CCSER1: variants seen among roughly 807,000 people sequenced by gnomAD.
CCSER1 encodes the protein coiled-coil serine rich protein 1.
In CCSER1, 41 loss-of-function variants were observed where a neutral mutation model predicts 82.0. The observed-to-expected ratio is 0.50, with a 90% confidence interval of 0.39 to 0.65. The LOEUF (loss-of-function observed/expected upper bound fraction) is 0.65, where lower values mean the gene tolerates loss of function less well. Among genes scored for constraint, CCSER1 ranks in the 30% least tolerant of loss-of-function variants. The pLI is 0.00. For synonymous variants in CCSER1, 414 were observed against 383.9 expected, an observed-to-expected ratio of 1.08 and a Z score of -0.92; for missense variants, 1,119 against 1,064.2, an observed-to-expected ratio of 1.05 and a Z score of -0.72.
rs535271053 is a variant in CCSER1, at chr4:90,150,417, T to C, written c.-42+22586T>C. On this transcript the variant is annotated intron_variant, in intron 1 of 10. Transcript: ENST00000509176. Reference sequence around the variant, plus strand: ...CACATTTGGTGAATTCCTACGTAGTTATTAGTGGGGAAAGGATGTCAATAA... The same window carrying C: ...CACATTTGGTGAATTCCTACGTAGTCATTAGTGGGGAAAGGATGTCAATAA... Among the ~76,000 whole-genome samples the C allele has an allele frequency of 5.9e-5, 9 of 152,194 alleles. No individual in the cohort carries two copies. In the South Asian group the frequency reaches 1.9e-3, roughly 32 times the overall value.
chr4:90,750,610 A>G (rs1443410572), intron 7 of CCSER1, among the ~76,000 whole-genome samples: 1 of 152,152 alleles, frequency 6.6e-6, no homozygotes, highest in Non-Finnish European at 1.5e-5. Flanking sequence ...ACTTATCTTA[A>G]AATGCTCCTC....
intron 9 of CCSER1, among the ~76,000 whole-genome samples, chr4:91,036,882 C>A (rs1359479950): frequency 6.6e-6 from 1 of 151,920 alleles, no homozygotes; most frequent in Non-Finnish European, 1.5e-5. Flanking sequence ...AGTTCGAGAC[C>A]AGTCTGGCCA....
chr4:90,777,120 T>C (rs1381032060), intron 7 of CCSER1, among the ~76,000 whole-genome samples: 2 of 151,050 alleles, frequency 1.3e-5, no homozygotes, highest in Non-Finnish European at 3.0e-5. Context: ...CTTTGGGAGG[T>C]TGAGGCGGGT....
chr4:90,285,758 A>G (rs1344674223), intron 1 of CCSER1, among the ~76,000 whole-genome samples: 1 of 152,056 alleles, frequency 6.6e-6, no homozygotes, highest in Non-Finnish European at 1.5e-5. Flanking sequence ...CCCATTTAAT[A>G]CATAGCTAGT....
chr4:91,512,506 C>T (rs570100710), intron 10 of CCSER1, among the ~76,000 whole-genome samples: 1 of 152,308 alleles, frequency 6.6e-6, no homozygotes, highest in East Asian at 1.9e-4. Flanking sequence ...GGGACTCGGA[C>T]TGATCCACCA....
At chr4:91,389,140 C>T (rs989865072) in intron 10 of CCSER1, among the ~76,000 whole-genome samples, 20 of 151,996 alleles carry the variant, frequency 1.3e-4, no homozygotes, top group African/African-American at 4.6e-4. Context: ...AACATTATAC[C>T]TAAGGTTATC....
intron 1 of CCSER1, among the ~76,000 whole-genome samples, chr4:90,251,590 A>G (rs1453492448): frequency 6.6e-6 from 1 of 151,880 alleles, no homozygotes; most frequent in Non-Finnish European, 1.5e-5. Flanking sequence ...CTCATGGTGT[A>G]TGACCTTTTT....
chr4:90,582,377 C>T (rs1020163020), intron 5 of CCSER1, among the ~76,000 whole-genome samples: 1 of 152,062 alleles, frequency 6.6e-6, no homozygotes, highest in African/African-American at 2.4e-5. Flanking sequence ...AGAACAAAGG[C>T]ATAGATATTA....
chr4:90,231,789 T>A (rs1250784264), intron 1 of CCSER1, among the ~76,000 whole-genome samples: 1 of 151,868 alleles, frequency 6.6e-6, no homozygotes, highest in African/African-American at 2.4e-5. Context: ...GGATACAAAA[T>A]CAATGTACAA....
At chr4:90,492,762 T>C (rs1004315118) in intron 5 of CCSER1, among the ~76,000 whole-genome samples, 1 of 152,212 alleles carries the variant, frequency 6.6e-6, no homozygotes, top group Non-Finnish European at 1.5e-5. Flanking sequence ...ATTTCTGCCT[T>C]CATTTTGTTA....
At chr4:90,419,792 T>A (rs1756408907) in intron 4 of CCSER1, among the ~76,000 whole-genome samples, 3 of 151,956 alleles carry the variant, frequency 2.0e-5, no homozygotes, top group Non-Finnish European at 4.4e-5. Context: ...ACTTTGGAAA[T>A]ATATCTAAAC....
At position 91,178,843 on chromosome 4, in the gene CCSER1, A is replaced by G. The variant is rs145385391; in HGVS notation, c.2217+92849A>G. ...TATGTGTGAATTTGATCCTGTCATT[A>G]TGATGTTAGCTGGATATTTTGCTCA... is the stretch of plus-strand genomic sequence containing the variant. On this transcript the variant is annotated intron_variant, in intron 10 of 10. Coordinates refer to ENST00000509176, the MANE Select transcript of CCSER1 (RefSeq NM_001145065.2). Among the ~76,000 whole-genome samples, 6 of 152,240 alleles carry G rather than the reference A, an allele frequency of 3.9e-5. No individual in the cohort carries two copies. The South Asian group carries it at 8.3e-4, about 21-fold the overall frequency.
intron 10 of CCSER1, among the ~76,000 whole-genome samples, chr4:91,549,351 C>G (rs1200497530): frequency 6.6e-6 from 1 of 151,972 alleles, no homozygotes; most frequent in African/African-American, 2.4e-5. Flanking sequence ...TCTGCCTTAT[C>G]TGACTCTGGT....
intron 1 of CCSER1, among the ~76,000 whole-genome samples, chr4:90,224,188 T>C (rs1742694671): frequency 6.6e-6 from 1 of 152,204 alleles, no homozygotes; most frequent in South Asian, 2.1e-4. Flanking sequence ...AGTTCATTGT[T>C]AGAGCCCCAA....
intron 5 of CCSER1, among the ~76,000 whole-genome samples, chr4:90,598,948 A>G (rs1783705047): frequency 6.6e-6 from 1 of 152,188 alleles, no homozygotes. Context: ...GAAGGAATGC[A>G]GTGGCTACTG....
At chr4:91,359,890 C>A (rs559021739) in intron 10 of CCSER1, among the ~76,000 whole-genome samples, 40 of 151,842 alleles carry the variant, frequency 2.6e-4, no homozygotes, top group African/African-American at 9.4e-4. Flanking sequence ...TAAAGGAACA[C>A]CATCTATGTG....
intron 8 of CCSER1, among the ~76,000 whole-genome samples, chr4:90,832,890 T>C (rs1761311610): frequency 6.6e-6 from 1 of 152,196 alleles, no homozygotes; most frequent in South Asian, 2.1e-4. Flanking sequence ...TATGTATAAA[T>C]GGGAAGAACC....
At chr4:90,813,620 T>C (rs2149754970) in intron 7 of CCSER1, among the ~76,000 whole-genome samples, 1 of 152,228 alleles carries the variant, frequency 6.6e-6, no homozygotes, top group South Asian at 2.1e-4. Context: ...TCATCAGGGG[T>C]TTCCACTTTT....
At chr4:91,465,825 T>G (rs2222874) in intron 10 of CCSER1, among the ~76,000 whole-genome samples, 127,416 of 152,084 alleles carry the variant, frequency 0.84, 53,847 homozygotes, top group African/African-American at 0.94. Context: ...TCCCTGAATA[T>G]ACCACTAACA....
Sources: gnomAD v4.1 joint callset for allele counts (sites outside exome capture counted in the v4.1 genomes callset) on GRCh38, gnomAD v4.1.1 for gene constraint, MANE v1.5 for transcripts, NCBI Gene and HGNC (gene_info 2026-07-23, HGNC 2026-07-21) for gene names.